ATP5F1D: variants seen among roughly 807,000 people sequenced by gnomAD.
The protein encoded by ATP5F1D is ATP synthase F(1) complex subunit delta, mitochondrial.
Under a neutral mutation model 13.0 loss-of-function variants are expected in ATP5F1D, and 16 were observed. The observed-to-expected ratio is 1.23, with a 90% CI of 0.83 to 1.87. The LOEUF (loss-of-function observed/expected upper bound fraction) is 1.87, where lower values mean the gene tolerates loss of function less well. Among genes scored for constraint, ATP5F1D ranks in the 40% most tolerant of loss-of-function variants. The probability of loss-of-function intolerance (pLI) is 0.00; values close to 1 mark genes in which losing one functional copy is unlikely to be tolerated. For missense variants in ATP5F1D, 294 were observed against 246.2 expected (o/e 1.19, Z -1.30); for synonymous variants, 129 against 116.2 (o/e 1.11, Z -0.71).
At chr19:1,243,561 C>T (rs1393027731) in intron 2 of ATP5F1D, among the ~76,000 whole-genome samples, 1 of 152,014 alleles carries the variant, frequency 6.6e-6, no homozygotes. Flanking sequence ...GAGGCTGAAG[C>T]AAGAGGACCG....
intron 1 of ATP5F1D, 39 bp from the exon 2 acceptor site, chr19:1,242,417 G>A (rs1046909713): frequency 3.4e-6 from 5 of 1,467,306 alleles, no homozygotes; most frequent in African/African-American, 2.8e-5. Flanking sequence ...GCGCGGGGCC[G>A]GCCTGCCCCG....
At position 1,244,353 on chromosome 19, in the gene ATP5F1D, G is replaced by T. The variant is rs369774253; in HGVS notation, c.423G>T (p.Leu141=). 245 of 1,589,810 alleles carry T rather than the reference G, an allele frequency of 1.5e-4. No homozygotes were observed. The highest frequency in any genetic ancestry group is 2.0e-4 in the Non-Finnish European group (230 of 1,168,722). ...KANLEKAQAE[L]VGTADEATRA... is the part of the protein sequence containing the mutation. ...ACTTGGAGAAGGCCCAGGCGGAGCT[G>T]GTGGGGACAGCTGACGAGGCCACGC... The change falls in exon 4 of 4, where the codon CTG becomes CTT. Residue 141 remains leucine, a synonymous_variant. Transcript: ENST00000215375.
chr19:1,242,689 G>A, intron 2 of ATP5F1D, 80 bp downstream of exon 2: 2 of 1,380,312 alleles, frequency 1.4e-6, no homozygotes, highest in South Asian at 1.7e-5. Context: ...AGTTGAGGCT[G>A]CGAGAAAAAA....
rs372801460 is a variant in ATP5F1D at position 1,244,409 on chromosome 19, A to T, written c.479A>T (p.Asn160Ile). 5 of 1,563,506 alleles carry T rather than the reference A, an allele frequency of 3.2e-6. No individual in the cohort carries two copies. The highest frequency in any genetic ancestry group is 2.7e-5 in the African/African-American group (2 of 73,930). Residue 160 changes from asparagine (N) to isoleucine (I), a missense_variant, in exon 4 of 4, where the codon AAC (asparagine) becomes ATC (isoleucine). Physicochemically the swap from Asn to Ile is moderately radical, Grantham distance 149. Coordinates refer to ENST00000215375, the MANE Select transcript of ATP5F1D (RefSeq NM_001687.5). Reference sequence around the variant, plus strand: ...GAGATCCAGATCCGAATCGAGGCCAACGAGGCCCTGGTGAAGGCCCTGGAG... The same window carrying T: ...GAGATCCAGATCCGAATCGAGGCCATCGAGGCCCTGGTGAAGGCCCTGGAG... ...RAEIQIRIEA[N>I]EALVKALE is the part of the protein sequence containing the mutation.
At position 1,244,474 on chromosome 19, in the gene ATP5F1D, G is replaced by A. The variant is rs571314147; in HGVS notation, c.*37G>A. 2 of 1,539,828 alleles carry A rather than the reference G, an allele frequency of 1.3e-6. No individual in the cohort carries two copies. The highest frequency in any genetic ancestry group is 1.4e-5 in the African/African-American group (1 of 72,936). On this transcript the variant is annotated 3_prime_UTR_variant, in exon 4 of 4. Coordinates refer to ENST00000215375, the MANE Select transcript of ATP5F1D (RefSeq NM_001687.5). ...CCGGTGTCCCGAGGCCCGGCCAGGG[G>A]CTGGGCAGGGATGCCAGGTGGGCCC... is the stretch of plus-strand genomic sequence containing the variant.
At chr19:1,242,200 T>G (rs1328901090) in intron 1 of ATP5F1D, 2 of 793,390 alleles carry the variant, frequency 2.5e-6, no homozygotes, top group African/African-American at 3.6e-5. Flanking sequence ...AAGCGTCTCC[T>G]GGGTGCCCTC....
At chr19:1,243,543 C>T (rs1406456174) in intron 2 of ATP5F1D, among the ~76,000 whole-genome samples, 1 of 152,074 alleles carries the variant, frequency 6.6e-6, no homozygotes, top group Non-Finnish European at 1.5e-5. Context: ...GTAGTCCCAG[C>T]TACTCGGGAG....
At position 1,242,005 on chromosome 19, in the gene ATP5F1D, G is replaced by A; in HGVS notation, c.141+14G>A. The A allele has an allele frequency of 7.1e-7, 1 of 1,402,614 alleles. No individual in the cohort carries two copies. Among genetic ancestry groups the A allele is most frequent in the Non-Finnish European group, 9.3e-7 (1 of 1,074,494 alleles). The allele number at this position is 1,402,614 out of a possible 1,614,324, so 86.9% of individuals were successfully genotyped here. A position where few individuals can be genotyped will look rare whatever the true frequency, so the allele number is the denominator to read the frequency against. On this transcript the variant is annotated intron_variant, in intron 1 of 3. Transcript: ENST00000215375. Reference sequence around the variant, plus strand: ...TCTCCCACGCAGGTTCGGGCGCTGCGGGTCGGGACCCTCCGTGGCCGCCGC... The same window carrying A: ...TCTCCCACGCAGGTTCGGGCGCTGCAGGTCGGGACCCTCCGTGGCCGCCGC...
rs778799724 is a variant in ATP5F1D at position 1,244,114 on chromosome 19, G to A, written c.313G>A (p.Ala105Thr). The part of the protein sequence containing the change: ...SKYFVSSGSI[A>T]VNADSSVQLL... ...TCCCCCAGTGAGCAGCGGTTCCATC[G>A]CAGTGAACGCCGACTCTTCGGTGCA... Residue 105 changes from alanine to threonine, a missense_variant, in exon 3 of 4, where the codon GCA (alanine) becomes ACA (threonine). Ala to Thr is a moderately conservative substitution (Grantham distance 58, BLOSUM62 0). Coordinates refer to ENST00000215375, the MANE Select transcript of ATP5F1D (RefSeq NM_001687.5). 7.4e-6 allele frequency: 12 copies of A among 1,611,210 alleles called. No homozygotes were observed. The highest frequency in any genetic ancestry group is 4.5e-5 in the East Asian group (2 of 44,774).
At chr19:1,242,288 A>G (rs1001115819) in intron 1 of ATP5F1D, 168 bp from the exon 2 acceptor site, 9 of 865,734 alleles carry the variant, frequency 1.0e-5, no homozygotes, top group Admixed American at 4.2e-5. Flanking sequence ...ATGAGGCGCA[A>G]CTGTTGAGGA....
chr19:1,241,811 C>T lies in ATP5F1D; in HGVS notation c.-40C>T. On this transcript the variant is annotated 5_prime_UTR_variant, in exon 1 of 4. Transcript: ENST00000215375. ...GCCGCCCGCGCCGCGCCGGAGTCCG[C>T]TGTCCGCCAGCTACCCGCTTCCTGC... The T allele has an allele frequency of 1.5e-6, 2 of 1,299,482 alleles. No homozygotes were observed. The highest frequency in any genetic ancestry group is 9.7e-7 in the Non-Finnish European group (1 of 1,028,716). 80.5% of individuals were successfully genotyped at this position (1,299,482 alleles called of 1,614,324 possible).
At chr19:1,242,065 A>AC in intron 1 of ATP5F1D, 74 bp downstream of exon 1, 2 of 1,278,656 alleles carry the variant, frequency 1.6e-6, no homozygotes, top group Non-Finnish European at 2.0e-6. Flanking sequence ...CCAGGGCGCG[A>AC]CCCCCGCTTC....
chr19:1,244,072 C>G, intron 2 of ATP5F1D, 25 bp from the exon 3 acceptor site: 1 of 1,596,956 alleles, frequency 6.3e-7, no homozygotes, highest in Non-Finnish European at 8.5e-7. Flanking sequence ...GGGTCTCACG[C>G]CTTCCCCCCG....
chr19:1,242,081 C>T lies in ATP5F1D; in HGVS notation c.141+90C>T, dbSNP rs538201224. 4.7e-5 allele frequency: 60 copies of T among 1,263,624 alleles called. No individual in the cohort carries two copies. The East Asian group carries it at 8.0e-4, about 17-fold the overall frequency. 78.3% of individuals were successfully genotyped at this position (1,263,624 alleles called of 1,614,324 possible). On this transcript the variant is annotated intron_variant, in intron 1 of 3. Transcript: ENST00000215375. ...CAGGGCGCGACCCCCGCTTCCGGGC[C>T]CCCGGACCCGCGCGCCCCGGAAGCC...
Position 1,241,948 on chromosome 19 carries a change from C to G in ATP5F1D, c.98C>G (p.Ser33Cys), listed in dbSNP as rs775385179. Residue 33 changes from serine (S) to cysteine (C), a missense_variant, in exon 1 of 4, where the codon TCT becomes TGT. Coordinates refer to ENST00000215375, the MANE Select transcript of ATP5F1D (RefSeq NM_001687.5). ...GCCGCCGCCGCCCCGGCTGCCGCCTCTGGCCCCAACCAGATGTCCTTCACC... is the reference window on the plus strand; with the variant it reads ...GCCGCCGCCGCCCCGGCTGCCGCCTGTGGCCCCAACCAGATGTCCTTCACC... ...AEAAAAPAAA[S>C]GPNQMSFTFA... 3 of 1,496,692 alleles carry G rather than the reference C, an allele frequency of 2.0e-6. No individual in the cohort carries two copies. The highest frequency in any genetic ancestry group is 2.9e-5 in the African/African-American group (2 of 69,422). 92.7% of individuals were successfully genotyped at this position (1,496,692 alleles called of 1,614,324 possible). A position where few individuals can be genotyped will look rare whatever the true frequency, so the allele number is the denominator to read the frequency against.
chr19:1,243,946 A>G (rs2081049633), intron 2 of ATP5F1D, 151 bp from the exon 3 acceptor site: 17 of 754,768 alleles, frequency 2.3e-5, no homozygotes, highest in Non-Finnish European at 3.5e-5. Context: ...GCCCAGGGCC[A>G]GTCCTGTGGG....
rs1207525672 is a variant in ATP5F1D, at chr19:1,244,174, T to C, written c.373T>C (p.Leu125=). The C allele has an allele frequency of 1.2e-6, 2 of 1,611,698 alleles. No individual in the cohort carries two copies. Among genetic ancestry groups the C allele is most frequent in the East Asian group, 2.2e-5 (1 of 44,814 alleles). The change falls in exon 3 of 4, where the codon TTG becomes CTG. Residue 125 remains leucine (L), a synonymous_variant. Coordinates refer to ENST00000215375, the MANE Select transcript of ATP5F1D (RefSeq NM_001687.5). The stretch of plus-strand genomic sequence containing the variant: ...CGAAGAGGCCGTGACGCTGGACATG[T>C]TGGACCTGGGGGTGAGTGTCAGAGG... ...LAEEAVTLDM[L]DLGAAKANLE...
At chr19:1,242,106 C>A in intron 1 of ATP5F1D, 115 bp downstream of exon 1, 1 of 1,214,284 alleles carries the variant, frequency 8.2e-7, no homozygotes, top group South Asian at 3.0e-5. Flanking sequence ...CCCCGGAAGC[C>A]GAGGCTACTC....
rs147816935 is a variant in ATP5F1D at position 1,244,057 on chromosome 19, C to T, written c.296-40C>T. ...GGGGAGTCCCTGAGGCTGTGCAGCC[C>T]TTTGGGGTCTCACGCCTTCCCCCCG... On this transcript the variant is annotated intron_variant, in intron 2 of 3. Coordinates refer to ENST00000215375, the MANE Select transcript of ATP5F1D (RefSeq NM_001687.5). 5.7e-6 allele frequency: 9 copies of T among 1,580,260 alleles called. No individual in the cohort carries two copies. The South Asian group carries it at 9.2e-5, about 16-fold the overall frequency.
Sources: gnomAD v4.1 joint callset for allele counts (sites outside exome capture counted in the v4.1 genomes callset) on GRCh38, gnomAD v4.1.1 for gene constraint, MANE v1.5 for transcripts, NCBI Gene and HGNC (gene_info 2026-07-23, HGNC 2026-07-21) for gene names.